PRPSAP2: variants seen among roughly 807,000 people sequenced by gnomAD.
PRPSAP2 encodes the protein phosphoribosyl pyrophosphate synthase-associated protein 2.
In PRPSAP2, 24 loss-of-function variants were observed where a neutral mutation model predicts 40.6. The ratio of observed to expected loss-of-function variants is 0.59; its 90% CI spans 0.43 to 0.83. The LOEUF (loss-of-function observed/expected upper bound fraction) is 0.83. Ranked by LOEUF, PRPSAP2 falls within the 40% of genes least tolerant of loss-of-function variation. The pLI, the probability that PRPSAP2 is intolerant of heterozygous loss-of-function variation, is 0.00. For missense variants in PRPSAP2, 292 were observed against 465.6 expected (o/e 0.63, Z 3.43); for synonymous variants, 149 against 164.7 (o/e 0.90, Z 0.73).
intron 9 of PRPSAP2, among the ~76,000 whole-genome samples, chr17:18,913,221 G>A (rs1342203212): frequency 6.6e-6 from 1 of 152,174 alleles, no homozygotes; most frequent in Admixed American, 6.6e-5. Context: ...ACTCTTTGGG[G>A]CATCCTTTGA....
chr17:18,921,232 A>T (rs2041672789), intron 9 of PRPSAP2, among the ~76,000 whole-genome samples: 1 of 152,010 alleles, frequency 6.6e-6, no homozygotes, highest in Non-Finnish European at 1.5e-5. Context: ...ATAATGTGGC[A>T]GGAAATATAT....
intron 4 of PRPSAP2, among the ~76,000 whole-genome samples, chr17:18,868,960 C>A (rs2037640233): frequency 6.6e-6 from 1 of 152,108 alleles, no homozygotes; most frequent in Non-Finnish European, 1.5e-5. Context: ...CCGTTCCTGC[C>A]TCTTTTCTGT....
At chr17:18,902,909 C>G (rs2040367928) in intron 8 of PRPSAP2, among the ~76,000 whole-genome samples, 1 of 151,232 alleles carries the variant, frequency 6.6e-6, no homozygotes. Context: ...TGACTTGCCC[C>G]CCTCCACTCA....
chr17:18,862,011 G>T (rs1038222785), intron 1 of PRPSAP2, among the ~76,000 whole-genome samples: 8 of 151,958 alleles, frequency 5.3e-5, no homozygotes, highest in Admixed American at 1.3e-4. Context: ...CCTCAGCCTC[G>T]TGAGTAGCTG....
intron 10 of PRPSAP2, 21 bp from the exon 11 acceptor site, chr17:18,928,790 T>A: frequency 1.2e-6 from 2 of 1,612,998 alleles, no homozygotes; most frequent in Non-Finnish European, 1.7e-6. Context: ...TATACATTCT[T>A]TTCCATCTGT....
intron 8 of PRPSAP2, among the ~76,000 whole-genome samples, chr17:18,893,373 A>G (rs2039701439): frequency 6.6e-6 from 1 of 151,588 alleles, no homozygotes; most frequent in African/African-American, 2.4e-5. Flanking sequence ...CTGGTCTCGA[A>G]CTCTTGACCT....
intron 8 of PRPSAP2, among the ~76,000 whole-genome samples, chr17:18,900,074 A>G (rs1597664899): frequency 6.6e-6 from 1 of 151,974 alleles, no homozygotes; most frequent in South Asian, 2.1e-4. Context: ...TTTAGTAGAG[A>G]TGGGGTTTCA....
Position 18,905,742 on chromosome 17 carries a change from G to A in PRPSAP2, c.585-5361G>A, listed in dbSNP as rs913441428. On this transcript the variant is annotated intron_variant, in intron 8 of 11. Transcript: ENST00000268835. ...ATTACAGGCATGTGCCACCACACCC[G>A]GCTAATTTGTTTGTGTTTTTAGTAA... Among the ~76,000 whole-genome samples the A allele has an allele frequency of 2.0e-5, 3 of 151,908 alleles. 1 individual carries two copies. The highest frequency in any genetic ancestry group is 2.4e-5 in the African/African-American group (1 of 41,348).
intron 4 of PRPSAP2, among the ~76,000 whole-genome samples, chr17:18,871,783 C>G (rs1367658291): frequency 1.3e-5 from 2 of 151,918 alleles, no homozygotes; most frequent in Non-Finnish European, 2.9e-5. Flanking sequence ...GCCTCAGCCT[C>G]CCGAGTAGCT....
chr17:18,899,071 C>T (rs1328225338), intron 8 of PRPSAP2, among the ~76,000 whole-genome samples: 1 of 151,908 alleles, frequency 6.6e-6, no homozygotes, highest in Admixed American at 6.6e-5. Flanking sequence ...CGCCCAGCTA[C>T]TTTTGTATAT....
intron 8 of PRPSAP2, among the ~76,000 whole-genome samples, chr17:18,894,903 AAAT>A (rs1354937696): frequency 6.6e-6 from 1 of 152,152 alleles, no homozygotes; most frequent in African/African-American, 2.4e-5. Flanking sequence ...GAAATACACA[AAAT>A]AACTTGTTGG....
At chr17:18,857,203 C>T (rs2036638306), upstream of PRPSAP2, among the ~76,000 whole-genome samples, 1 of 150,570 alleles carries the variant, frequency 6.6e-6, no homozygotes, top group East Asian at 2.0e-4. Flanking sequence ...GGCGTGGTGG[C>T]GCACACCTGT....
intron 8 of PRPSAP2, among the ~76,000 whole-genome samples, chr17:18,902,869 CAAAAAA>C (rs58345106): frequency 9.5e-5 from 7 of 73,310 alleles, no homozygotes; most frequent in African/African-American, 1.1e-4. Flanking sequence ...AACTCCATCT[CAAAAAA>C]AAAAAAAAAA....
intron 8 of PRPSAP2, among the ~76,000 whole-genome samples, chr17:18,893,898 C>T (rs1239530256): frequency 1.3e-5 from 2 of 152,098 alleles, no homozygotes; most frequent in African/African-American, 4.8e-5. Context: ...GATGGAGTTT[C>T]ACTCTTGTTG....
upstream of PRPSAP2, among the ~76,000 whole-genome samples, chr17:18,856,775 G>C (rs184602645): frequency 6.6e-6 from 1 of 152,290 alleles, no homozygotes; most frequent in East Asian, 1.9e-4. Context: ...CATTGGAAAA[G>C]TTATTTAACG....
chr17:18,857,580 A>ATTTTT (rs35569332), upstream of PRPSAP2, among the ~76,000 whole-genome samples: 1 of 142,418 alleles, frequency 7.0e-6, no homozygotes, highest in Admixed American at 7.0e-5. Context: ...CGCCTGGCTA[A>ATTTTT]TTTTTTTTTT....
chr17:18,897,892 T>C (rs1188065270), intron 8 of PRPSAP2, among the ~76,000 whole-genome samples: 1 of 152,106 alleles, frequency 6.6e-6, no homozygotes, highest in Non-Finnish European at 1.5e-5. Context: ...ATAGAAGTCA[T>C]ACCTCTCTGT....
At chr17:18,866,609 G>A (rs2037452424) in intron 3 of PRPSAP2, among the ~76,000 whole-genome samples, 1 of 152,102 alleles carries the variant, frequency 6.6e-6, no homozygotes, top group Non-Finnish European at 1.5e-5. Flanking sequence ...ATAGCTTATA[G>A]TTTAGTATAA....
chr17:18,889,545 T>C (rs1260262380), intron 7 of PRPSAP2, among the ~76,000 whole-genome samples: 3 of 152,196 alleles, frequency 2.0e-5, no homozygotes, highest in African/African-American at 4.8e-5. Flanking sequence ...TGACGAGATA[T>C]ATAGAAACAT....
Sources: gnomAD v4.1 joint callset for allele counts (sites outside exome capture counted in the v4.1 genomes callset) on GRCh38, gnomAD v4.1.1 for gene constraint, MANE v1.5 for transcripts, NCBI Gene and HGNC (gene_info 2026-07-23, HGNC 2026-07-21) for gene names.